Variants in PCDHA8 observed in about 807,000 individuals in gnomAD.
The protein encoded by PCDHA8 is protocadherin alpha 8.
PCDHA8 carries 53 observed loss-of-function variants against 61.8 expected under a neutral mutation model. The ratio of observed to expected loss-of-function variants is 0.86; its 90% CI spans 0.69 to 1.08. The LOEUF (loss-of-function observed/expected upper bound fraction) is 1.08. Ranked by LOEUF, PCDHA8 falls within the 50% of genes least tolerant of loss-of-function variation. The probability of loss-of-function intolerance (pLI) is 0.00; values close to 1 mark genes in which losing one functional copy is unlikely to be tolerated. For missense variants in PCDHA8, 1,293 were observed against 1,245.0 expected (o/e 1.04, Z -0.58); for synonymous variants, 618 against 556.6 (o/e 1.11, Z -1.55).
chr5:140,911,445 A>C (rs1327839733), intron 1 of PCDHA8, among the ~76,000 whole-genome samples: 1 of 152,184 alleles, frequency 6.6e-6, no homozygotes, highest in Non-Finnish European at 1.5e-5. Context: ...CCGCAATTTC[A>C]GCTCTTTCTC....
chr5:140,985,928 C>A (rs1001132600), intron 3 of PCDHA8, among the ~76,000 whole-genome samples: 2 of 151,534 alleles, frequency 1.3e-5, no homozygotes, highest in Non-Finnish European at 2.9e-5. Flanking sequence ...TTTAGTAGAG[C>A]CGGGGTTTCA....
intron 3 of PCDHA8, among the ~76,000 whole-genome samples, chr5:140,985,631 T>C (rs551279134): frequency 1.2e-4 from 18 of 152,250 alleles, no homozygotes; most frequent in Admixed American, 1.2e-3. Flanking sequence ...GTATTGCTCT[T>C]CTCATCCCAA....
intron 1 of PCDHA8, chr5:140,848,356 A>C: frequency 9.6e-7 from 1 of 1,038,310 alleles, no homozygotes; most frequent in Non-Finnish European, 1.4e-6. Flanking sequence ...CCCTTTTCCC[A>C]TGGGAAAGAG....
At chr5:140,882,989 G>A (rs567590369) in intron 1 of PCDHA8, 3 of 1,614,130 alleles carry the variant, frequency 1.9e-6, no homozygotes, top group African/African-American at 1.3e-5. Context: ...CAACGCCCCG[G>A]AATTTTACCA....
intron 1 of PCDHA8, chr5:140,852,618 T>A (rs1455728241): frequency 1.1e-6 from 1 of 941,332 alleles, no homozygotes; most frequent in Admixed American, 6.4e-5. Context: ...AAAACTTGAG[T>A]GGTCTCTGAG....
At chr5:140,958,495 C>A (rs559117374) in intron 1 of PCDHA8, among the ~76,000 whole-genome samples, 1 of 152,020 alleles carries the variant, frequency 6.6e-6, no homozygotes, top group Non-Finnish European at 1.5e-5. Flanking sequence ...TCCACATATC[C>A]TAGGAGGCAT....
chr5:140,961,738 G>A (rs976601916), intron 1 of PCDHA8, among the ~76,000 whole-genome samples: 2 of 152,118 alleles, frequency 1.3e-5, no homozygotes, highest in African/African-American at 4.8e-5. Flanking sequence ...AATCACTTTA[G>A]TAATATTACA....
intron 1 of PCDHA8, chr5:140,849,467 T>A: frequency 1.3e-6 from 2 of 1,589,378 alleles, no homozygotes; most frequent in South Asian, 2.2e-5. Context: ...AGGCTGTCGA[T>A]AAAGGCTTCC....
chr5:140,952,923 C>CAGGA (rs1455819119), intron 1 of PCDHA8, among the ~76,000 whole-genome samples: 1 of 151,990 alleles, frequency 6.6e-6, no homozygotes, highest in Non-Finnish European at 1.5e-5. Flanking sequence ...ATGGCATGAG[C>CAGGA]AGGAGCAGGA....
rs548886698 is a variant in PCDHA8 at position 140,887,948 on chromosome 5, T to A, written c.2394+44233T>A. 7.1e-4 allele frequency among the ~76,000 whole-genome samples: 108 copies of A among 152,348 alleles called. 2 individuals carry two copies. Among genetic ancestry groups the A allele is most frequent in the Admixed American group, 7.0e-3 (107 of 15,298 alleles). On this transcript the variant is annotated intron_variant, in intron 1 of 3. Transcript: ENST00000531613. ...AGACCATATTTATTTCTTATCTGTA[T>A]AAGATTCTTTTTGTCTCTTTTAAAA... is the stretch of plus-strand genomic sequence containing the variant.
chr5:140,861,631 C>T, intron 1 of PCDHA8: 1 of 315,060 alleles, frequency 3.2e-6, no homozygotes, highest in Non-Finnish European at 6.4e-6. Flanking sequence ...GTGTTCTCAG[C>T]AACACAAAAG....
chr5:140,985,416 G>A (rs1554247041), intron 3 of PCDHA8, among the ~76,000 whole-genome samples: 1 of 152,142 alleles, frequency 6.6e-6, no homozygotes, highest in Non-Finnish European at 1.5e-5. Flanking sequence ...GAAATGGAGT[G>A]AGGAGGATTT....
At chr5:140,870,568 G>T (rs1554164428) in intron 1 of PCDHA8, 2 of 1,613,870 alleles carry the variant, frequency 1.2e-6, no homozygotes, top group African/African-American at 1.3e-5. Context: ...GAACGCGCTG[G>T]TGTCCTACTC....
chr5:140,849,660 C>G (rs2041023883), intron 1 of PCDHA8: 1 of 1,598,636 alleles, frequency 6.3e-7, no homozygotes, highest in Admixed American at 1.7e-5. Context: ...TACCTGCTCC[C>G]TGACGCCCCA....
intron 3 of PCDHA8, among the ~76,000 whole-genome samples, chr5:140,983,433 G>A (rs1306046524): frequency 1.3e-5 from 2 of 152,208 alleles, no homozygotes; most frequent in African/African-American, 4.8e-5. Context: ...CACAAATTGT[G>A]TCTACTCTAA....
rs1554149409 is a variant in PCDHA8 at position 140,857,004 on chromosome 5, T to G, written c.2394+13289T>G. 3 of 1,595,634 alleles carry G rather than the reference T, an allele frequency of 1.9e-6. No individual in the cohort carries two copies. The South Asian group carries it at 3.3e-5, about 18-fold the overall frequency. ...GACAGTAACACTTATGAAATTCATG[T>G]AGATGTTACAGATAAGGGAAACCCA... On this transcript the variant is annotated intron_variant, in intron 1 of 3. Coordinates refer to ENST00000531613, the MANE Select transcript of PCDHA8 (RefSeq NM_018911.3).
intron 1 of PCDHA8, among the ~76,000 whole-genome samples, chr5:140,901,673 A>G (rs964267221): frequency 6.6e-6 from 1 of 152,056 alleles, no homozygotes; most frequent in Admixed American, 6.6e-5. Context: ...AGATACCTTT[A>G]GGTATTATGG....
At chr5:140,850,820 C>T in intron 1 of PCDHA8, 6 of 1,598,226 alleles carry the variant, frequency 3.8e-6, no homozygotes, top group Non-Finnish European at 5.1e-6. Flanking sequence ...TCAGCCCGGG[C>T]CTTTCTCCTT....
chr5:140,867,215 C>T (rs989219715), intron 1 of PCDHA8: 14 of 152,216 alleles, frequency 9.2e-5, no homozygotes, highest in South Asian at 2.1e-4. Flanking sequence ...ACATCTTCAT[C>T]CCCAATTCCC....
Sources: gnomAD v4.1 joint callset for allele counts (sites outside exome capture counted in the v4.1 genomes callset) on GRCh38, gnomAD v4.1.1 for gene constraint, MANE v1.5 for transcripts, NCBI Gene and HGNC (gene_info 2026-07-23, HGNC 2026-07-21) for gene names.